Variants in NTN1 observed in about 807,000 individuals in gnomAD.
The protein encoded by NTN1 is netrin 1, also known as netrin-1.
In NTN1, 11 loss-of-function variants were observed where a neutral mutation model predicts 54.2. The observed-to-expected ratio is 0.20, with a 90% confidence interval of 0.13 to 0.34. The LOEUF is 0.34. Among genes scored for constraint, NTN1 ranks in the 10% least tolerant of loss-of-function variants. NTN1 has a pLI of 1.00. For missense variants in NTN1, 740 were observed against 893.1 expected, an observed-to-expected ratio of 0.83 and a Z score of 2.18; for synonymous variants, 371 against 382.0, an observed-to-expected ratio of 0.97 and a Z score of 0.33.
chr17:9,099,415 A>C (rs2092142203), intron 2 of NTN1, among the ~76,000 whole-genome samples: 1 of 152,196 alleles, frequency 6.6e-6, no homozygotes, highest in East Asian at 1.9e-4. Flanking sequence ...AAAACAAAAA[A>C]AAATCTCATT....
chr17:9,192,747 TATGCACC>T (rs1904494948), intron 5 of NTN1, among the ~76,000 whole-genome samples: 2 of 152,264 alleles, frequency 1.3e-5, no homozygotes, highest in East Asian at 3.9e-4. Context: ...TTTTATTAGT[TATGCACC>T]ATGCTGAACT....
chr17:9,231,295 CG>C (rs35777481), intron 6 of NTN1, among the ~76,000 whole-genome samples: 4 of 145,410 alleles, frequency 2.8e-5, no homozygotes, highest in African/African-American at 2.5e-5. Flanking sequence ...ATGGGGTACC[CG>C]GGGGGGGACC....
chr17:9,139,665 G>A (rs1218612240), intron 2 of NTN1, among the ~76,000 whole-genome samples: 3 of 152,084 alleles, frequency 2.0e-5, no homozygotes, highest in East Asian at 1.9e-4. Flanking sequence ...CATCACCCTC[G>A]TCCTCAGGGA....
At chr17:9,227,221 C>A in intron 6 of NTN1, among the ~76,000 whole-genome samples, 1 of 52,804 alleles carries the variant, frequency 1.9e-5, no homozygotes, top group Admixed American at 2.3e-4. Context: ...ATGCACACAC[C>A]ATCACATCAC....
chr17:9,093,887 TCA>T (rs972732835), intron 2 of NTN1, among the ~76,000 whole-genome samples: 2 of 152,058 alleles, frequency 1.3e-5, no homozygotes, highest in African/African-American at 4.8e-5. Context: ...GGCAGGAGAA[TCA>T]CTTGAACTTG....
At chr17:9,234,690 T>G (rs1185986988) in intron 6 of NTN1, among the ~76,000 whole-genome samples, 2 of 152,284 alleles carry the variant, frequency 1.3e-5, no homozygotes, top group East Asian at 1.9e-4. Context: ...CAGTCAGCTC[T>G]GGGGGCAGCA....
chr17:9,022,832 G>A lies in NTN1; in HGVS notation c.459G>A (p.Ser153=), dbSNP rs1343597119. The change falls in exon 2 of 7, where the codon TCG becomes TCA. Residue 153 remains serine (S), a synonymous_variant. Transcript: ENST00000173229. ...CCTACGTGAGCCTGCAGTTCTGCTC[G>A]CCGCGGCCCGAGTCCATGGCCATCT... The part of the protein sequence containing the change: ...EVTYVSLQFC[S]PRPESMAIYK... The A allele has an allele frequency of 1.2e-6, 2 of 1,610,880 alleles. No homozygotes were observed. The highest frequency in any genetic ancestry group is 1.3e-5 in the African/African-American group (1 of 74,842).
Position 9,022,818 on chromosome 17 carries a change from C to T in NTN1, c.445C>T (p.Leu149=), listed in dbSNP as rs768264688. Residue 149 remains leucine, a synonymous_variant, in exon 2 of 7, where the codon CTG becomes TTG. Coordinates refer to ENST00000173229, the MANE Select transcript of NTN1 (RefSeq NM_004822.3). The stretch of plus-strand genomic sequence containing the variant: ...GAAGTTCGAAGTGACCTACGTGAGC[C>T]TGCAGTTCTGCTCGCCGCGGCCCGA... ...GKKFEVTYVS[L]QFCSPRPESM... The T allele has an allele frequency of 5.6e-6, 9 of 1,611,452 alleles. No individual in the cohort carries two copies. Among genetic ancestry groups the T allele is most frequent in the South Asian group, 1.1e-5 (1 of 90,856 alleles).
chr17:9,126,379 G>T (rs554510534), intron 2 of NTN1, among the ~76,000 whole-genome samples: 1 of 152,140 alleles, frequency 6.6e-6, no homozygotes, highest in Admixed American at 6.5e-5. Context: ...GCGTGGTGGC[G>T]CATGCCTGTA....
At chr17:9,193,920 T>TAAAAAAAAAAAAAAAAC (rs1904539161) in intron 5 of NTN1, among the ~76,000 whole-genome samples, 1 of 44,906 alleles carries the variant, frequency 2.2e-5, no homozygotes, top group African/African-American at 1.1e-4. Context: ...AAACTCCGAC[T>TAAAAAAAAAAAAAAAAC]AAAAAAAAAA....
intron 2 of NTN1, among the ~76,000 whole-genome samples, chr17:9,162,468 TCTC>T (rs2092359655): frequency 6.6e-6 from 1 of 152,134 alleles, no homozygotes; most frequent in Non-Finnish European, 1.5e-5. Context: ...TGTGTCCTCA[TCTC>T]CTCTTCCTAC....
At chr17:9,233,267 C>T (rs1012980789) in intron 6 of NTN1, among the ~76,000 whole-genome samples, 1 of 152,248 alleles carries the variant, frequency 6.6e-6, no homozygotes, top group Admixed American at 6.5e-5. Flanking sequence ...GTCTGTGCTG[C>T]GGCCACTCCC....
chr17:9,217,360 G>A (rs1487111733), intron 5 of NTN1, among the ~76,000 whole-genome samples: 1 of 152,160 alleles, frequency 6.6e-6, no homozygotes, highest in Non-Finnish European at 1.5e-5. Context: ...TTCGTTTTTG[G>A]CACTAGTGTG....
At chr17:9,125,006 A>C (rs572770478) in intron 2 of NTN1, among the ~76,000 whole-genome samples, 1 of 152,158 alleles carries the variant, frequency 6.6e-6, no homozygotes, top group Non-Finnish European at 1.5e-5. Context: ...GTTAGTGTGT[A>C]TGTGTGTTTC....
At chr17:9,021,212 C>G (rs968312670), upstream of NTN1, among the ~76,000 whole-genome samples, 3 of 151,500 alleles carry the variant, frequency 2.0e-5, no homozygotes, top group African/African-American at 7.3e-5. Context: ...GCGAGGCTGA[C>G]AGTCCCCGGC....
intron 3 of NTN1, among the ~76,000 whole-genome samples, chr17:9,170,655 C>T (rs746580268): frequency 3.9e-5 from 6 of 152,078 alleles, no homozygotes; most frequent in South Asian, 2.1e-4. Flanking sequence ...GAGGTGGGGG[C>T]GGGCTGTGCA....
the NTN1 span, among the ~76,000 whole-genome samples, chr17:9,011,027 G>A: frequency 6.6e-6 from 1 of 151,894 alleles, no homozygotes; most frequent in Non-Finnish European, 1.5e-5. Flanking sequence ...TCAAGACTTA[G>A]GGCCTTATAA....
intron 2 of NTN1, among the ~76,000 whole-genome samples, chr17:9,124,804 C>T (rs945391979): frequency 3.3e-5 from 5 of 152,150 alleles, no homozygotes; most frequent in African/African-American, 7.2e-5. Context: ...ATGACGGCAT[C>T]GGTTTACACC....
the NTN1 span, among the ~76,000 whole-genome samples, chr17:9,014,000 G>A: frequency 6.6e-6 from 1 of 152,158 alleles, no homozygotes; most frequent in African/African-American, 2.4e-5. Context: ...AAGAGCCCTG[G>A]TAGATTAAAG....
Sources: gnomAD v4.1 joint callset for allele counts (sites outside exome capture counted in the v4.1 genomes callset) on GRCh38, gnomAD v4.1.1 for gene constraint, MANE v1.5 for transcripts, NCBI Gene and HGNC (gene_info 2026-07-23, HGNC 2026-07-21) for gene names.